Variants in CLYBL observed in about 807,000 individuals in gnomAD.
CLYBL encodes the protein citramalyl-CoA lyase.
In CLYBL, 31 loss-of-function variants were observed where a neutral mutation model predicts 38.9. The observed-to-expected ratio is 0.80, with a 90% CI of 0.60 to 1.08. CLYBL has a LOEUF of 1.08. Ranked by LOEUF, CLYBL falls within the 50% of genes least tolerant of loss-of-function variation. The pLI is 0.00. For missense variants in CLYBL, 434 were observed against 411.6 expected (o/e 1.05, Z -0.47); for synonymous variants, 171 against 158.6 (o/e 1.08, Z -0.59).
At chr13:99,887,686 G>A (rs1203101363) in intron 7 of CLYBL, among the ~76,000 whole-genome samples, 1 of 152,184 alleles carries the variant, frequency 6.6e-6, no homozygotes, top group Admixed American at 6.5e-5. Context: ...CTGGGAGGTC[G>A]AGGCTGCAGT....
At chr13:99,620,939 A>G (rs2046786427) in intron 1 of CLYBL, among the ~76,000 whole-genome samples, 1 of 152,196 alleles carries the variant, frequency 6.6e-6, no homozygotes, top group African/African-American at 2.4e-5. Flanking sequence ...GGAAGAGAAT[A>G]TGGGTATAGG....
chr13:99,693,389 G>C (rs767903058), intron 1 of CLYBL, among the ~76,000 whole-genome samples: 2 of 152,050 alleles, frequency 1.3e-5, no homozygotes, highest in African/African-American at 4.8e-5. Context: ...GGGAACACAG[G>C]CTTTCTCTTT....
At chr13:99,614,881 G>A (rs140966262) in intron 1 of CLYBL, among the ~76,000 whole-genome samples, 77 of 152,264 alleles carry the variant, frequency 5.1e-4, no homozygotes, top group Non-Finnish European at 9.1e-4. Flanking sequence ...CATGCCACAT[G>A]CTTGACCCGA....
chr13:99,609,696 CTGGCTAAT>C (rs1185977017), intron 1 of CLYBL, among the ~76,000 whole-genome samples: 2 of 151,952 alleles, frequency 1.3e-5, no homozygotes, highest in African/African-American at 2.4e-5. Context: ...ACCACTGCAC[CTGGCTAAT>C]TGTTTCTATT....
At chr13:99,789,796 G>A (rs2049877426) in intron 2 of CLYBL, among the ~76,000 whole-genome samples, 1 of 152,030 alleles carries the variant, frequency 6.6e-6, no homozygotes. Flanking sequence ...TTGACTGTGG[G>A]GTGTTAAAGT....
chr13:99,623,803 C>A (rs1177956160), intron 1 of CLYBL, among the ~76,000 whole-genome samples: 1 of 151,608 alleles, frequency 6.6e-6, no homozygotes, highest in African/African-American at 2.4e-5. Context: ...ACTAAAAATT[C>A]AAAAAATTAG....
At position 99,866,251 on chromosome 13, in the gene CLYBL, A is replaced by C. The variant is rs758603521; in HGVS notation, c.646A>C (p.Ser216Arg). ...DFRASIGATS[S>R]KETLDILYAR... ...CATCCCATTTTCAGGTGCAACAAGT[A>C]GTAAAGAAACCCTGGATATTCTCTA... is the stretch of plus-strand genomic sequence containing the variant. Residue 216 changes from serine (S) to arginine (R), a missense_variant, in exon 6 of 9, where the codon AGT becomes CGT. Transcript: ENST00000339105. 1.2e-6 allele frequency: 2 copies of C among 1,613,764 alleles called. No individual in the cohort carries two copies. Among genetic ancestry groups the C allele is most frequent in the South Asian group, 1.1e-5 (1 of 91,004 alleles).
chr13:99,770,956 A>G lies in CLYBL; in HGVS notation c.63-1868A>G, dbSNP rs2049378715. Among the ~76,000 whole-genome samples the G allele has an allele frequency of 4.0e-5, 6 of 148,982 alleles. No homozygotes were observed. In the South Asian group the frequency reaches 1.3e-3, roughly 32 times the overall value. On this transcript the variant is annotated intron_variant, in intron 1 of 8. Coordinates refer to ENST00000339105, the MANE Select transcript of CLYBL (RefSeq NM_206808.5). ...AGGATAGTCTCCATCTCCTGACCTC[A>G]TGATCCACCCGCCTTGGCCTCCCAA...
rs182091638 is a variant in CLYBL at position 99,699,311 on chromosome 13, G to C, written c.63-73513G>C. 3.1e-3 allele frequency among the ~76,000 whole-genome samples: 468 copies of C among 152,242 alleles called. 11 individuals are homozygous for C. The highest frequency in any genetic ancestry group is 4.4e-4 in the Non-Finnish European group (30 of 68,028). The stretch of plus-strand genomic sequence containing the variant: ...GAGGCAGGAGACTCCCTCGAACCCG[G>C]GAGGTGGAGGTTGTGGTAAGCTGAG... On this transcript the variant is annotated intron_variant, in intron 1 of 8. Coordinates refer to ENST00000339105, the MANE Select transcript of CLYBL (RefSeq NM_206808.5).
intron 1 of CLYBL, among the ~76,000 whole-genome samples, chr13:99,755,367 C>A (rs988363668): frequency 6.6e-6 from 1 of 152,122 alleles, no homozygotes; most frequent in African/African-American, 2.4e-5. Context: ...TCTCTGATGC[C>A]GTACTAATGG....
At chr13:99,836,959 C>T (rs935193035) in intron 2 of CLYBL, among the ~76,000 whole-genome samples, 1 of 152,046 alleles carries the variant, frequency 6.6e-6, no homozygotes, top group African/African-American at 2.4e-5. Context: ...TTAATGGGTG[C>T]AGCACACCAA....
Position 99,837,971 on chromosome 13 carries a change from G to C in CLYBL, c.250-20890G>C, listed in dbSNP as rs528890297. ...TATTATTTTTTACATGATATCTCTG[G>C]TTTTCCCTCCTCTCTGTCAAGTGGT... On this transcript the variant is annotated intron_variant, in intron 2 of 8. Transcript: ENST00000339105. Among the ~76,000 whole-genome samples the C allele has an allele frequency of 3.8e-4, 58 of 152,230 alleles. 1 individual carries two copies. The South Asian group carries it at 0.012, about 31-fold the overall frequency.
chr13:99,868,879 A>C (rs1456674000), intron 6 of CLYBL, among the ~76,000 whole-genome samples: 2 of 152,204 alleles, frequency 1.3e-5, no homozygotes, highest in African/African-American at 4.8e-5. Flanking sequence ...TCTATTGTAG[A>C]AGACAAAAAT....
intron 1 of CLYBL, among the ~76,000 whole-genome samples, chr13:99,711,939 ACTC>A (rs2048240153): frequency 6.7e-6 from 1 of 148,856 alleles, no homozygotes; most frequent in Non-Finnish European, 1.5e-5. Flanking sequence ...CTGGTCTAGA[ACTC>A]CTGACCTCGT....
chr13:99,734,296 A>C (rs2048633869), intron 1 of CLYBL, among the ~76,000 whole-genome samples: 1 of 152,180 alleles, frequency 6.6e-6, no homozygotes, highest in Non-Finnish European at 1.5e-5. Flanking sequence ...GAGAGGATGA[A>C]ATACTTGCTG....
chr13:99,851,961 A>G (rs904588400), intron 2 of CLYBL, among the ~76,000 whole-genome samples: 6 of 152,248 alleles, frequency 3.9e-5, no homozygotes, highest in Admixed American at 6.5e-5. Flanking sequence ...TTAACTAACA[A>G]TGGACAAAAT....
intron 2 of CLYBL, among the ~76,000 whole-genome samples, chr13:99,831,672 A>G (rs1243940638): frequency 6.6e-6 from 1 of 151,938 alleles, no homozygotes; most frequent in African/African-American, 2.4e-5. Context: ...TTGCCCGTGT[A>G]ATAGCTGTCT....
In CLYBL at chr13:99,606,732, G is replaced by GCTGCGCCGC; in HGVS notation, c.42_43insCCGCCTGCG (p.Ala14_Ala15insProProAla). 1 of 1,488,298 alleles carries GCTGCGCCGC rather than the reference G, an allele frequency of 6.7e-7. No homozygotes were observed. The highest frequency in any genetic ancestry group is 8.9e-7 in the Non-Finnish European group (1 of 1,125,332). 92.2% of individuals were successfully genotyped at this position (1,488,298 alleles called of 1,614,324 possible). A position where few individuals can be genotyped will look rare whatever the true frequency, so the allele number is the denominator to read the frequency against. ...TCTGCTGCGGAGGGCGGCGCGCGGAGCTGCGGCGGCGGCGCTGCTGAGGCT... is the reference window on the plus strand; with the variant it reads ...TCTGCTGCGGAGGGCGGCGCGCGGAGCTGCGCCGCCTGCGGCGGCGGCGCTGCTGAGGCT... On this transcript the variant is annotated inframe_insertion, in exon 1 of 9. Transcript: ENST00000339105.
chr13:99,709,923 C>CTTTTT (rs373484721), intron 1 of CLYBL, among the ~76,000 whole-genome samples: 299 of 110,426 alleles, frequency 2.7e-3, no homozygotes, highest in Non-Finnish European at 3.8e-3. Context: ...TTCTTTCTTT[C>CTTTTT]TTTTTTTTTT....
Sources: allele counts gnomAD v4.1 joint callset (sites outside exome capture counted in the v4.1 genomes callset), GRCh38; gene constraint gnomAD v4.1.1; transcripts MANE v1.5; gene names NCBI Gene and HGNC (gene_info 2026-07-23, HGNC 2026-07-21).